PCDHA3: variants seen among roughly 807,000 people sequenced by gnomAD.
PCDHA3 encodes the protein protocadherin alpha 3, also known as protocadherin alpha-3.
Under a neutral mutation model 62.2 loss-of-function variants are expected in PCDHA3, and 41 were observed. The ratio of observed to expected loss-of-function variants is 0.66; its 90% CI spans 0.51 to 0.86. The LOEUF (loss-of-function observed/expected upper bound fraction) is 0.86. Ranked by LOEUF, PCDHA3 falls within the 40% of genes least tolerant of loss-of-function variation. PCDHA3 has a pLI of 0.00. For synonymous variants in PCDHA3, 640 were observed against 555.4 expected, an observed-to-expected ratio of 1.15 and a Z score of -2.14; for missense variants, 1,304 against 1,241.2, an observed-to-expected ratio of 1.05 and a Z score of -0.76.
Position 141,011,434 on chromosome 5 carries a change from C to A in PCDHA3, c.*1497C>A, listed in dbSNP as rs934032017. 6.5e-6 allele frequency: 1 copy of A among 153,726 alleles called. No homozygotes were observed. Among genetic ancestry groups the A allele is most frequent in the African/African-American group, 2.4e-5 (1 of 41,446 alleles). The allele number at this position is 153,726 out of a possible 1,614,324, so 9.5% of individuals were successfully genotyped here. The stretch of plus-strand genomic sequence containing the variant: ...ATGTGAATGTTAATGCAACTATTAC[C>A]TAGAGTGAACTTTAAGCTTTATTGT... On this transcript the variant is annotated 3_prime_UTR_variant, in exon 4 of 4. Transcript: ENST00000522353.
chr5:140,824,006 T>G (rs2150131396), intron 1 of PCDHA3: 2 of 1,613,804 alleles, frequency 1.2e-6, no homozygotes, highest in Admixed American at 3.3e-5. Context: ...TCCAGCGCGG[T>G]GGGGAGCTGG....
At chr5:140,934,930 C>G (rs1467115569) in intron 1 of PCDHA3, among the ~76,000 whole-genome samples, 2 of 152,102 alleles carry the variant, frequency 1.3e-5, no homozygotes, top group Non-Finnish European at 2.9e-5. Context: ...CATAAAGTTA[C>G]AAAACTAGTA....
chr5:140,990,055 C>T (rs1563562429), intron 3 of PCDHA3, among the ~76,000 whole-genome samples: 2 of 151,866 alleles, frequency 1.3e-5, no homozygotes, highest in Non-Finnish European at 1.5e-5. Context: ...GATGGTAATA[C>T]TTAAAGGAAA....
rs142468733 is a variant in PCDHA3 at position 140,884,535 on chromosome 5, C to G, written c.2394+80944C>G. 4,368 of 1,614,034 alleles carry G rather than the reference C, an allele frequency of 2.7e-3. 82 individuals are homozygous for G. The South Asian group carries it at 0.038, about 14-fold the overall frequency. On this transcript the variant is annotated intron_variant, in intron 1 of 3. Coordinates refer to ENST00000522353, the MANE Select transcript of PCDHA3 (RefSeq NM_018906.3). ...TGGTCGTACTCGCAGCAGAGGCGGC[C>G]GAGGGTGTGCTCTGGGGAGGGCCCG...
At chr5:140,841,648 C>T in intron 1 of PCDHA3, 1 of 1,614,112 alleles carries the variant, frequency 6.2e-7, no homozygotes, top group East Asian at 2.2e-5. Flanking sequence ...TGGAGGTGAT[C>T]GTGGACAGGC....
intron 1 of PCDHA3, chr5:140,821,518 A>G (rs2150109679): frequency 2.5e-6 from 1 of 404,992 alleles, no homozygotes. Flanking sequence ...TAAATAAAGC[A>G]AAACAAAATA....
At chr5:140,956,381 G>T (rs1380347643) in intron 1 of PCDHA3, among the ~76,000 whole-genome samples, 2 of 152,090 alleles carry the variant, frequency 1.3e-5, no homozygotes, top group African/African-American at 4.8e-5. Context: ...TTTTATCGAA[G>T]GCCTTTTCTG....
At chr5:140,931,508 A>G (rs1214894603) in intron 1 of PCDHA3, among the ~76,000 whole-genome samples, 8 of 152,078 alleles carry the variant, frequency 5.3e-5, no homozygotes, top group Non-Finnish European at 1.0e-4. Flanking sequence ...TTAAACATAT[A>G]TGAATGATTA....
intron 1 of PCDHA3, chr5:140,811,985 T>A (rs1765002946): frequency 7.4e-6 from 1 of 134,400 alleles, no homozygotes; most frequent in East Asian, 2.1e-4. Context: ...CTTTTGAAGA[T>A]TTATTTTTTA....
intron 1 of PCDHA3, chr5:140,870,060 A>G (rs2051623081): frequency 6.2e-7 from 1 of 1,613,776 alleles, no homozygotes; most frequent in African/African-American, 1.3e-5. Flanking sequence ...AAATTGAAGT[A>G]CAGGCTACAG....
intron 1 of PCDHA3, among the ~76,000 whole-genome samples, chr5:140,939,871 T>G (rs2092481346): frequency 6.6e-6 from 1 of 152,230 alleles, no homozygotes; most frequent in Non-Finnish European, 1.5e-5. Context: ...TAGGTCATCT[T>G]TGCTAGTTGT....
In PCDHA3 at chr5:140,882,697, A is replaced by G. The variant is rs145968658; in HGVS notation, c.2394+79106A>G. 60 of 1,614,238 alleles carry G rather than the reference A, an allele frequency of 3.7e-5. No homozygotes were observed. The African/African-American group carries it at 6.5e-4, about 18-fold the overall frequency. On this transcript the variant is annotated intron_variant, in intron 1 of 3. Transcript: ENST00000522353. ...AAAGCAAGAAACGAATAATCATTGC[A>G]GAATCTAGACCTCCGGAAACTCGAT...
At chr5:140,983,470 A>G (rs782117929) in intron 3 of PCDHA3, among the ~76,000 whole-genome samples, 16 of 152,224 alleles carry the variant, frequency 1.1e-4, no homozygotes, top group Non-Finnish European at 1.5e-4. Context: ...CATCATGATG[A>G]TAATAGTAGT....
intron 1 of PCDHA3, among the ~76,000 whole-genome samples, chr5:140,960,218 A>G (rs2095532618): frequency 6.6e-6 from 1 of 152,206 alleles, no homozygotes; most frequent in Non-Finnish European, 1.5e-5. Flanking sequence ...CAGGATCTCA[A>G]GAAACAGAGC....
chr5:140,863,992 C>T (rs1554158598), intron 1 of PCDHA3: 3 of 152,876 alleles, frequency 2.0e-5, no homozygotes, highest in African/African-American at 7.3e-5. Context: ...CAGGGTGAAA[C>T]TCTGTCTTAA....
intron 1 of PCDHA3, chr5:140,824,063 C>T (rs2150131874): frequency 1.2e-6 from 2 of 1,614,096 alleles, no homozygotes; most frequent in Non-Finnish European, 8.5e-7. Flanking sequence ...GGGGAAGCTC[C>T]ACCCAAAACA....
intron 3 of PCDHA3, among the ~76,000 whole-genome samples, chr5:140,998,253 T>C (rs1245576621): frequency 6.6e-6 from 1 of 152,232 alleles, no homozygotes; most frequent in Non-Finnish European, 1.5e-5. Context: ...CTCATTTTAC[T>C]GCTAAGAAAA....
In PCDHA3 at chr5:140,842,887, G is replaced by T; in HGVS notation, c.2394+39296G>T. On this transcript the variant is annotated intron_variant, in intron 1 of 3. Coordinates refer to ENST00000522353, the MANE Select transcript of PCDHA3 (RefSeq NM_018906.3). ...GCGGCAAGGTGTACGCGCTGCAGCC[G>T]CTGGACCACGAGGAGCTAGAGCTGC... The T allele has an allele frequency of 7.5e-6, 12 of 1,594,194 alleles. 3 individuals are homozygous for T. The highest frequency in any genetic ancestry group is 1.1e-5 in the South Asian group (1 of 90,454).
chr5:140,836,599 T>G (rs1166723338), intron 1 of PCDHA3: 13 of 1,613,608 alleles, frequency 8.1e-6, no homozygotes, highest in Non-Finnish European at 1.1e-5. Context: ...AAGCCCACTC[T>G]GGTGTGCTCC....
Sources: gnomAD v4.1 joint callset for allele counts (sites outside exome capture counted in the v4.1 genomes callset) on GRCh38, gnomAD v4.1.1 for gene constraint, MANE v1.5 for transcripts, NCBI Gene and HGNC (gene_info 2026-07-23, HGNC 2026-07-21) for gene names.